Variants in LRBA observed in about 807,000 individuals in gnomAD.
LRBA encodes the protein LPS responsive beige-like anchor protein.
A neutral mutation model predicts 330.0 loss-of-function variants in LRBA; 176 were observed. The ratio of observed to expected loss-of-function variants is 0.53; its 90% CI spans 0.47 to 0.60. LRBA has a LOEUF of 0.60. LRBA is among the 20% of genes least tolerant of loss of function. LRBA has a pLI of 0.00. For missense variants in LRBA, 3,259 were observed against 3,444.8 expected (o/e 0.95, Z 1.35); for synonymous variants, 1,230 against 1,193.0 (o/e 1.03, Z -0.64).
chr4:150,915,764 A>G lies in LRBA; in HGVS notation c.895-37T>C, dbSNP rs775046465. On this transcript the variant is annotated intron_variant, in intron 7 of 56. Transcript: ENST00000651943. ...AAAAACAGTTAAAAATACAAAGATA[A>G]CAATTATCCCAATAACGCAACCATA... 5 of 1,554,450 alleles carry G rather than the reference A, an allele frequency of 3.2e-6. No homozygotes were observed. In the Admixed American group the frequency reaches 9.8e-5, roughly 30 times the overall value.
chr4:150,642,817 T>A (rs1325671987), intron 37 of LRBA, among the ~76,000 whole-genome samples: 2 of 151,868 alleles, frequency 1.3e-5, no homozygotes, highest in African/African-American at 4.8e-5. Flanking sequence ...ATATAGCAAA[T>A]GTTGTTTATT....
intron 44 of LRBA, among the ~76,000 whole-genome samples, chr4:150,450,467 C>G (rs1384660738): frequency 6.6e-6 from 1 of 152,166 alleles, no homozygotes; most frequent in African/African-American, 2.4e-5. Context: ...TGCAGCAACA[C>G]AACTCTAATA....
At chr4:150,752,447 T>G (rs184078577) in intron 35 of LRBA, among the ~76,000 whole-genome samples, 2 of 152,040 alleles carry the variant, frequency 1.3e-5, no homozygotes, top group South Asian at 2.1e-4. Context: ...TCAGAAAGAA[T>G]AGATTTTGTT....
intron 34 of LRBA, among the ~76,000 whole-genome samples, chr4:150,770,925 C>T (rs960288527): frequency 6.6e-6 from 1 of 152,186 alleles, no homozygotes; most frequent in Non-Finnish European, 1.5e-5. Context: ...TAGACATACT[C>T]TTCCTTACTT....
chr4:150,828,850 C>A (rs536288275), intron 29 of LRBA, among the ~76,000 whole-genome samples: 11 of 151,074 alleles, frequency 7.3e-5, no homozygotes, highest in Non-Finnish European at 1.6e-4. Context: ...CAAAAATGAT[C>A]TAAAGTAATG....
At chr4:150,697,331 A>AC (rs1294648171) in intron 36 of LRBA, among the ~76,000 whole-genome samples, 1 of 141,464 alleles carries the variant, frequency 7.1e-6, no homozygotes, top group African/African-American at 2.8e-5. Context: ...CTCAGAAAAA[A>AC]AAAAAAAAAA....
intron 35 of LRBA, among the ~76,000 whole-genome samples, chr4:150,751,419 AATAAG>A (rs761740422): frequency 1.3e-5 from 2 of 152,098 alleles, no homozygotes; most frequent in East Asian, 3.8e-4. Context: ...AAATTAAACT[AATAAG>A]ATATCTAAAT....
Position 150,321,454 on chromosome 4 carries a change from G to T in LRBA, c.7453-86C>A. 8.4e-7 allele frequency: 1 copy of T among 1,188,952 alleles called. No homozygotes were observed. 73.7% of individuals were successfully genotyped at this position (1,188,952 alleles called of 1,614,324 possible). On this transcript the variant is annotated intron_variant, in intron 49 of 56. Coordinates refer to ENST00000651943, the MANE Select transcript of LRBA (RefSeq NM_001364905.1). This position sits in a 1 kb window ranked among gnomAD's most constrained non-coding sequence, Gnocchi z 4.5. Reference sequence around the variant, plus strand: ...ATGAAGAAAGACAAGAAAGAGAGGGGGTGCAGGAAAAGAAGAGGAAGACCA... The same window carrying T: ...ATGAAGAAAGACAAGAAAGAGAGGGTGTGCAGGAAAAGAAGAGGAAGACCA...
intron 17 of LRBA, among the ~76,000 whole-genome samples, chr4:150,873,399 T>G (rs150016363): frequency 0.012 from 1,858 of 152,162 alleles, 39 homozygotes; most frequent in African/African-American, 0.042. Flanking sequence ...GAGACCAGCC[T>G]AGCCAACATG....
chr4:150,703,930 C>T (rs148429321), intron 36 of LRBA, among the ~76,000 whole-genome samples: 2 of 151,896 alleles, frequency 1.3e-5, no homozygotes, highest in Non-Finnish European at 2.9e-5. Context: ...TTGAGCCAGA[C>T]TAAGTGGCTC....
chr4:150,550,359 G>A (rs561224431), intron 40 of LRBA, among the ~76,000 whole-genome samples: 103 of 152,022 alleles, frequency 6.8e-4, no homozygotes, highest in Non-Finnish European at 1.0e-3. Context: ...TTAAAAAAGA[G>A]CAACTATAGG....
At chr4:150,726,606 T>C (rs1290888335) in intron 36 of LRBA, among the ~76,000 whole-genome samples, 1 of 152,140 alleles carries the variant, frequency 6.6e-6, no homozygotes, top group Admixed American at 6.5e-5. Flanking sequence ...AAGGGGAAAC[T>C]GGCACCTTCT....
intron 2 of LRBA, among the ~76,000 whole-genome samples, chr4:150,947,223 T>C (rs1286142488): frequency 7.0e-6 from 1 of 143,150 alleles, no homozygotes; most frequent in African/African-American, 2.6e-5. Context: ...ACAAAGACAG[T>C]ACCAAAAAAA....
chr4:150,389,400 G>C (rs1438381842), intron 47 of LRBA, among the ~76,000 whole-genome samples: 1 of 150,760 alleles, frequency 6.6e-6, no homozygotes, highest in Non-Finnish European at 1.5e-5. Context: ...AGGAGATTAG[G>C]TTAATATTGT....
At chr4:150,562,972 A>C (rs1246738181) in intron 40 of LRBA, among the ~76,000 whole-genome samples, 1 of 151,982 alleles carries the variant, frequency 6.6e-6, no homozygotes, top group African/African-American at 2.4e-5. Flanking sequence ...GCTAATTTTT[A>C]AAATATTTTG....
chr4:150,492,894 C>A (rs566474815), intron 40 of LRBA, among the ~76,000 whole-genome samples: 1 of 152,284 alleles, frequency 6.6e-6, no homozygotes, highest in South Asian at 2.1e-4. Context: ...GCCACAGGAT[C>A]TAAACCCCAG....
chr4:150,961,449 G>C (rs1738138491), intron 2 of LRBA, among the ~76,000 whole-genome samples: 1 of 149,140 alleles, frequency 6.7e-6, no homozygotes, highest in South Asian at 2.1e-4. Context: ...ACAGAGATTA[G>C]CCAGAAAAAA....
At chr4:150,747,254 C>A (rs1322574897) in intron 35 of LRBA, among the ~76,000 whole-genome samples, 1 of 152,134 alleles carries the variant, frequency 6.6e-6, no homozygotes, top group East Asian at 1.9e-4. Flanking sequence ...CACTACAGAA[C>A]CTTTTCTGAT....
chr4:150,359,617 T>G (rs963262093), intron 47 of LRBA, among the ~76,000 whole-genome samples: 1 of 152,114 alleles, frequency 6.6e-6, no homozygotes, highest in African/African-American at 2.4e-5. Context: ...TTTTATAGAC[T>G]TGAAATTAAC....
Sources: allele counts gnomAD v4.1 joint callset (sites outside exome capture counted in the v4.1 genomes callset), GRCh38; gene constraint gnomAD v4.1.1; non-coding constraint Gnocchi (gnomAD v3.1); transcripts MANE v1.5; gene names NCBI Gene and HGNC (gene_info 2026-07-23, HGNC 2026-07-21).